The following GRM3 variants were observed in gnomAD, a reference collection of about 807,000 sequenced individuals.
GRM3 encodes metabotropic glutamate receptor 3.
GRM3 carries 26 observed loss-of-function variants against 70.5 expected under a neutral mutation model. The observed-to-expected ratio is 0.37, with a 90% CI of 0.27 to 0.51. The LOEUF is 0.51. GRM3 is among the 20% of genes least tolerant of loss of function. The probability of loss-of-function intolerance (pLI) is 0.93; values close to 1 mark genes in which losing one functional copy is unlikely to be tolerated. For missense variants in GRM3, 859 were observed against 1,123.8 expected (o/e 0.76, Z 3.37); for synonymous variants, 443 against 434.9 (o/e 1.02, Z -0.23).
intron 2 of GRM3, among the ~76,000 whole-genome samples, chr7:86,768,827 T>A (rs1198037530): frequency 2.6e-5 from 4 of 152,072 alleles, no homozygotes; most frequent in Non-Finnish European, 4.4e-5. Flanking sequence ...AGCCAGGAGT[T>A]GGAGCAATTA....
At chr7:86,698,924 G>A (rs1406761907) in intron 1 of GRM3, among the ~76,000 whole-genome samples, 4 of 151,928 alleles carry the variant, frequency 2.6e-5, no homozygotes, top group African/African-American at 9.7e-5. Context: ...AGTATGTATT[G>A]TTACTAGGAA....
At chr7:86,737,130 G>A (rs1216232934) in intron 1 of GRM3, among the ~76,000 whole-genome samples, 1 of 152,120 alleles carries the variant, frequency 6.6e-6, no homozygotes, top group Non-Finnish European at 1.5e-5. Flanking sequence ...CATGAAAACA[G>A]AAATAAGCAA....
chr7:86,810,212 C>G (rs1162735763), intron 3 of GRM3, among the ~76,000 whole-genome samples: 1 of 151,920 alleles, frequency 6.6e-6, no homozygotes, highest in African/African-American at 2.4e-5. Context: ...CAATCTCATT[C>G]TTTGTCAAAA....
At chr7:86,691,319 A>G (rs550139379) in intron 1 of GRM3, among the ~76,000 whole-genome samples, 1 of 151,890 alleles carries the variant, frequency 6.6e-6, no homozygotes, top group East Asian at 1.9e-4. Flanking sequence ...ACTCTCACAC[A>G]CTGCATTCTC....
At chr7:86,774,500 T>C (rs932147710) in intron 2 of GRM3, among the ~76,000 whole-genome samples, 1 of 152,062 alleles carries the variant, frequency 6.6e-6, no homozygotes, top group Non-Finnish European at 1.5e-5. Flanking sequence ...AGTAACAAAG[T>C]TTTGATTCTT....
chr7:86,840,420 A>G (rs1202320245), intron 4 of GRM3, among the ~76,000 whole-genome samples: 1 of 152,152 alleles, frequency 6.6e-6, no homozygotes, highest in Non-Finnish European at 1.5e-5. Context: ...ATTAAAATAC[A>G]ATGTTAATTT....
At position 86,738,881 on chromosome 7, in the gene GRM3, G is replaced by T. The variant is rs193224444; in HGVS notation, c.-140-26125G>T. 5.6e-3 allele frequency among the ~76,000 whole-genome samples: 849 copies of T among 152,246 alleles called. 2 individuals are homozygous for T. Among genetic ancestry groups the T allele is most frequent in the Non-Finnish European group, 6.2e-3 (423 of 68,022 alleles). Reference sequence around the variant, plus strand: ...ACATATCCATTACCTTATATACCTGGTTTTTTGTGGTGAGAACACTTAAAG... The same window carrying T: ...ACATATCCATTACCTTATATACCTGTTTTTTTGTGGTGAGAACACTTAAAG... On this transcript the variant is annotated intron_variant, in intron 1 of 5. Transcript: ENST00000361669.
In GRM3 at chr7:86,765,755, T is replaced by C. The variant is rs1047916320; in HGVS notation, c.468+142T>C. On this transcript the variant is annotated intron_variant, in intron 2 of 5. Transcript: ENST00000361669. ...ATTAATTTTTCTAGTTATAATTTGA[T>C]AATATAGGTTTGCAGGCAGAAGATT... 10 of 745,394 alleles carry C rather than the reference T, an allele frequency of 1.3e-5. No individual in the cohort carries two copies. The Admixed American group carries it at 2.4e-4, about 18-fold the overall frequency. 46.2% of individuals were successfully genotyped at this position (745,394 alleles called of 1,614,324 possible).
chr7:86,654,495 C>T (rs1298578774), intron 1 of GRM3, among the ~76,000 whole-genome samples: 1 of 152,174 alleles, frequency 6.6e-6, no homozygotes, highest in Non-Finnish European at 1.5e-5. Flanking sequence ...CTGTCCCACT[C>T]ACACAGCAGT....
chr7:86,652,586 C>T (rs762988730), intron 1 of GRM3, among the ~76,000 whole-genome samples: 2 of 152,154 alleles, frequency 1.3e-5, no homozygotes, highest in African/African-American at 4.8e-5. Flanking sequence ...ACCTTGGCCT[C>T]GAAAAGTGCT....
intron 5 of GRM3, among the ~76,000 whole-genome samples, chr7:86,863,987 A>G (rs1799010760): frequency 6.6e-6 from 1 of 152,022 alleles, no homozygotes. Context: ...TCCAAAGCCA[A>G]ATTAAAATGA....
At chr7:86,764,181 A>G (rs1314261373) in intron 1 of GRM3, among the ~76,000 whole-genome samples, 1 of 152,090 alleles carries the variant, frequency 6.6e-6, no homozygotes, top group Admixed American at 6.6e-5. Context: ...AGCTCATTTA[A>G]GTGGTAGTTG....
chr7:86,801,386 A>G (rs1584253566), intron 3 of GRM3, among the ~76,000 whole-genome samples: 1 of 152,176 alleles, frequency 6.6e-6, no homozygotes, highest in Non-Finnish European at 1.5e-5. Context: ...CAAACATCTT[A>G]CAAGTTTGTT....
chr7:86,726,312 T>C (rs1393000963), intron 1 of GRM3, among the ~76,000 whole-genome samples: 1 of 152,172 alleles, frequency 6.6e-6, no homozygotes, highest in Non-Finnish European at 1.5e-5. Context: ...TTACAGAGAT[T>C]TTTTAAAGCA....
intron 2 of GRM3, among the ~76,000 whole-genome samples, chr7:86,769,394 C>G (rs750366512): frequency 1.4e-4 from 21 of 152,214 alleles, no homozygotes; most frequent in African/African-American, 1.7e-4. Flanking sequence ...TTTTCCATTG[C>G]AAATTGCCTG....
intron 1 of GRM3, among the ~76,000 whole-genome samples, chr7:86,662,462 G>A (rs924522933): frequency 6.6e-6 from 1 of 151,776 alleles, no homozygotes; most frequent in African/African-American, 2.4e-5. Context: ...ATTATAATGA[G>A]CAGGGCATAT....
intron 3 of GRM3, among the ~76,000 whole-genome samples, chr7:86,828,029 G>A (rs1313431114): frequency 6.7e-6 from 1 of 150,246 alleles, no homozygotes; most frequent in African/African-American, 2.4e-5. Context: ...GGAGAATGGT[G>A]TGAACCCGGG....
At chr7:86,838,375 T>C (rs1272391484) in intron 3 of GRM3, among the ~76,000 whole-genome samples, 3 of 152,212 alleles carry the variant, frequency 2.0e-5, no homozygotes, top group South Asian at 4.1e-4. Flanking sequence ...TGTTCTTTAT[T>C]TTGAAGCAGA....
At chr7:86,664,991 G>A (rs1793989684) in intron 1 of GRM3, among the ~76,000 whole-genome samples, 1 of 151,966 alleles carries the variant, frequency 6.6e-6, no homozygotes, top group Non-Finnish European at 1.5e-5. Context: ...ATTCTGAGAA[G>A]GATAGCTAAG....
Sources: allele counts gnomAD v4.1 joint callset (sites outside exome capture counted in the v4.1 genomes callset), GRCh38; gene constraint gnomAD v4.1.1; transcripts MANE v1.5; gene names NCBI Gene and HGNC (gene_info 2026-07-23, HGNC 2026-07-21).